Variants in ANO2 observed in about 807,000 individuals in gnomAD.
ANO2 encodes anoctamin 2, also known as anoctamin-2.
In ANO2, 101 loss-of-function variants were observed where a neutral mutation model predicts 124.2. The observed-to-expected ratio is 0.81, with a 90% CI of 0.69 to 0.96. The LOEUF is 0.96. Ranked by LOEUF, ANO2 falls within the 40% of genes least tolerant of loss-of-function variation. The pLI is 0.00. For missense variants in ANO2, 1,293 were observed against 1,274.5 expected (o/e 1.01, Z -0.22); for synonymous variants, 486 against 482.5 (o/e 1.01, Z -0.09).
intron 1 of ANO2, among the ~76,000 whole-genome samples, chr12:5,937,530 T>G (rs1942701390): frequency 6.6e-6 from 1 of 152,248 alleles, no homozygotes; most frequent in South Asian, 2.1e-4. Flanking sequence ...TTTTGTTTCC[T>G]TTGTCTCTTT....
intron 10 of ANO2, among the ~76,000 whole-genome samples, 193 bp from the exon 11 acceptor site, chr12:5,751,163 T>C (rs11063846): frequency 0.11 from 17,330 of 152,230 alleles, 1,065 homozygotes; most frequent in Admixed American, 0.18. Context: ...TTTTCTGGAA[T>C]GACGTGCATT....
intron 13 of ANO2, among the ~76,000 whole-genome samples, chr12:5,734,798 C>T (rs1405273269): frequency 2.0e-5 from 3 of 152,074 alleles, no homozygotes; most frequent in African/African-American, 7.2e-5. Context: ...CAGGCACATG[C>T]CACCAGGCCC....
rs1954695755 is a variant in ANO2 at position 5,846,735 on chromosome 12, A to G, written c.633+7308T>C. 2.6e-5 allele frequency among the ~76,000 whole-genome samples: 4 copies of G among 152,106 alleles called. No individual in the cohort carries two copies. The South Asian group carries it at 8.3e-4, about 32-fold the overall frequency. The stretch of plus-strand genomic sequence containing the variant: ...CTCCAGTCTCTGCCTTCTTCACATA[A>G]TCTTCTCCCCTCTCAAATCTCCTTC... On this transcript the variant is annotated intron_variant, in intron 4 of 24. Coordinates refer to ENST00000682330, the MANE Select transcript of ANO2 (RefSeq NM_001364791.2).
intron 15 of ANO2, among the ~76,000 whole-genome samples, chr12:5,638,306 G>GCTCA (rs1946141599): frequency 6.8e-6 from 1 of 147,522 alleles, no homozygotes; most frequent in African/African-American, 2.5e-5. Context: ...TGCGATCTGG[G>GCTCA]CTCACTGCAA....
intron 4 of ANO2, among the ~76,000 whole-genome samples, chr12:5,853,703 C>T (rs1954994473): frequency 6.6e-6 from 1 of 152,188 alleles, no homozygotes; most frequent in African/African-American, 2.4e-5. Context: ...TCTCATTACT[C>T]TATTCACTAA....
At chr12:5,651,772 C>G (rs117118724) in intron 14 of ANO2, among the ~76,000 whole-genome samples, 1 of 152,296 alleles carries the variant, frequency 6.6e-6, no homozygotes, top group Middle Eastern at 3.4e-3. Flanking sequence ...TCCCCAGAAC[C>G]TGACAAGATC....
At chr12:5,767,581 C>T (rs376014844) in intron 10 of ANO2, among the ~76,000 whole-genome samples, 2 of 152,344 alleles carry the variant, frequency 1.3e-5, no homozygotes, top group South Asian at 4.1e-4. Flanking sequence ...TCATCTAATG[C>T]TTCCCAAACT....
At chr12:5,733,656 A>G (rs1022277924) in intron 13 of ANO2, among the ~76,000 whole-genome samples, 3 of 152,200 alleles carry the variant, frequency 2.0e-5, no homozygotes, top group Admixed American at 6.5e-5. Context: ...AAGACACGCC[A>G]TGATGCAGGA....
At chr12:5,944,327 G>C (rs1943009854) in intron 1 of ANO2, among the ~76,000 whole-genome samples, 1 of 152,204 alleles carries the variant, frequency 6.6e-6, no homozygotes, top group Non-Finnish European at 1.5e-5. Context: ...ACCTTGCTCA[G>C]TGGGACCTTC....
At chr12:5,703,821 A>G (rs1436642479) in intron 14 of ANO2, among the ~76,000 whole-genome samples, 2 of 152,218 alleles carry the variant, frequency 1.3e-5, no homozygotes, top group Non-Finnish European at 2.9e-5. Flanking sequence ...TGCTGGGATT[A>G]CAGGTGTGAG....
intron 20 of ANO2, among the ~76,000 whole-genome samples, chr12:5,597,810 G>A (rs1027360634): frequency 3.9e-5 from 6 of 152,328 alleles, no homozygotes; most frequent in African/African-American, 7.2e-5. Flanking sequence ...GTAGAATGGC[G>A]TCTGAAATAT....
chr12:5,623,220 T>C (rs1046806868), intron 16 of ANO2, among the ~76,000 whole-genome samples: 4 of 152,078 alleles, frequency 2.6e-5, no homozygotes, highest in African/African-American at 9.7e-5. Context: ...TGCATGGCTA[T>C]GGGGATACGA....
At chr12:5,678,419 A>G (rs251758) in intron 14 of ANO2, among the ~76,000 whole-genome samples, 5,177 of 152,266 alleles carry the variant, frequency 0.034, 246 homozygotes, top group African/African-American at 0.12. Flanking sequence ...ACTGGGTGGC[A>G]GGGGTATCTC....
At chr12:5,743,801 G>C (rs894132614) in intron 12 of ANO2, among the ~76,000 whole-genome samples, 2 of 152,062 alleles carry the variant, frequency 1.3e-5, no homozygotes, top group African/African-American at 4.8e-5. Context: ...TCTAAGTATT[G>C]TGCTGCACGA....
chr12:5,665,577 G>A (rs1391904890), intron 14 of ANO2, among the ~76,000 whole-genome samples: 1 of 152,298 alleles, frequency 6.6e-6, no homozygotes, highest in South Asian at 2.1e-4. Flanking sequence ...CCCAGAAAGA[G>A]AAACTGCTTC....
At chr12:5,914,191 C>T (rs950334373) in intron 3 of ANO2, among the ~76,000 whole-genome samples, 8 of 127,874 alleles carry the variant, frequency 6.3e-5, no homozygotes, top group Admixed American at 3.6e-4. Context: ...CAGAGTGAGA[C>T]TCCATCTCAA....
intron 3 of ANO2, among the ~76,000 whole-genome samples, chr12:5,861,994 A>T (rs1185719324): frequency 6.6e-6 from 1 of 152,200 alleles, no homozygotes; most frequent in African/African-American, 2.4e-5. Flanking sequence ...GGAACACCAT[A>T]GTCTACCTGT....
At chr12:5,668,489 C>A (rs1294242400) in intron 14 of ANO2, among the ~76,000 whole-genome samples, 17 of 152,106 alleles carry the variant, frequency 1.1e-4, no homozygotes, top group Non-Finnish European at 1.0e-4. Context: ...TTCTCCCACT[C>A]TGTAGGCTGC....
intron 16 of ANO2, among the ~76,000 whole-genome samples, chr12:5,631,080 A>G (rs1454059969): frequency 6.6e-6 from 1 of 152,220 alleles, no homozygotes; most frequent in African/African-American, 2.4e-5. Flanking sequence ...GCTGAGCAAG[A>G]ACACAGATGA....
Sources: gnomAD v4.1 joint callset for allele counts (sites outside exome capture counted in the v4.1 genomes callset) on GRCh38, gnomAD v4.1.1 for gene constraint, MANE v1.5 for transcripts, NCBI Gene and HGNC (gene_info 2026-07-23, HGNC 2026-07-21) for gene names.